TMPRSS12: variants seen among roughly 807,000 people sequenced by gnomAD.
The protein encoded by TMPRSS12 is transmembrane protease serine 12.
In TMPRSS12, 25 loss-of-function variants were observed where a neutral mutation model predicts 26.0. The ratio of observed to expected loss-of-function variants is 0.96; its 90% CI spans 0.70 to 1.34. The LOEUF (loss-of-function observed/expected upper bound fraction) is 1.34. TMPRSS12 is among the 40% of genes most tolerant of loss of function. The pLI, the probability that TMPRSS12 is intolerant of heterozygous loss-of-function variation, is 0.00. For missense variants in TMPRSS12, 441 were observed against 440.1 expected (o/e 1.00, Z -0.02); for synonymous variants, 150 against 161.7 (o/e 0.93, Z 0.55).
At chr12:50,881,957 A>G (rs1302500655) in intron 3 of TMPRSS12, among the ~76,000 whole-genome samples, 1 of 65,604 alleles carries the variant, frequency 1.5e-5, no homozygotes, top group Admixed American at 2.3e-4. Flanking sequence ...GGGCGAGACC[A>G]CTTCAAAAAA....
At chr12:50,854,699 C>T (rs1014443258) in intron 2 of TMPRSS12, among the ~76,000 whole-genome samples, 1 of 152,074 alleles carries the variant, frequency 6.6e-6, no homozygotes, top group Non-Finnish European at 1.5e-5. Flanking sequence ...ATCAAGAATG[C>T]AATCCCATTC....
intron 3 of TMPRSS12, among the ~76,000 whole-genome samples, chr12:50,860,893 G>A (rs892172191): frequency 6.6e-6 from 1 of 152,082 alleles, no homozygotes; most frequent in African/African-American, 2.4e-5. Flanking sequence ...TTACAGGTAT[G>A]AGCCATTGTG....
chr12:50,858,122 G>A (rs538167611), intron 2 of TMPRSS12, among the ~76,000 whole-genome samples: 31 of 152,276 alleles, frequency 2.0e-4, no homozygotes, highest in African/African-American at 6.5e-4. Context: ...GATTACAGGC[G>A]TGAGCCACTG....
At chr12:50,846,611 C>G (rs1423981460) in intron 2 of TMPRSS12, among the ~76,000 whole-genome samples, 1 of 152,052 alleles carries the variant, frequency 6.6e-6, no homozygotes, top group African/African-American at 2.4e-5. Context: ...CAGAGCCTTG[C>G]TTTGTCACCC....
intron 3 of TMPRSS12, among the ~76,000 whole-genome samples, chr12:50,859,951 T>A (rs1301718720): frequency 1.3e-5 from 2 of 152,220 alleles, no homozygotes; most frequent in Non-Finnish European, 2.9e-5. Context: ...GATTGAAAAG[T>A]ATTATAGGTT....
intron 3 of TMPRSS12, among the ~76,000 whole-genome samples, chr12:50,875,616 C>T (rs1938106774): frequency 6.6e-6 from 1 of 151,816 alleles, no homozygotes; most frequent in Non-Finnish European, 1.5e-5. Flanking sequence ...GAAATAAAGC[C>T]ACACACCATC....
intron 3 of TMPRSS12, among the ~76,000 whole-genome samples, chr12:50,872,558 A>ATATATATATATGCCATATATATG (rs1938057629): frequency 1.4e-5 from 1 of 71,748 alleles, no homozygotes; most frequent in African/African-American, 4.9e-5. Flanking sequence ...TGTGAAAAAA[A>ATATATATATATGCCATATATATG]TATATATATA....
intron 3 of TMPRSS12, among the ~76,000 whole-genome samples, chr12:50,862,998 G>A (rs1937952416): frequency 6.6e-6 from 1 of 151,910 alleles, no homozygotes; most frequent in South Asian, 2.1e-4. Flanking sequence ...TTCGAGACCA[G>A]CCTGAGCAAC....
chr12:50,874,868 T>C (rs1938098254), intron 3 of TMPRSS12, among the ~76,000 whole-genome samples: 1 of 151,886 alleles, frequency 6.6e-6, no homozygotes, highest in South Asian at 2.1e-4. Context: ...TCCCTAGGAA[T>C]ACATCTCACC....
intron 3 of TMPRSS12, among the ~76,000 whole-genome samples, chr12:50,861,128 G>T (rs1251217416): frequency 2.0e-5 from 3 of 152,118 alleles, no homozygotes; most frequent in Non-Finnish European, 2.9e-5. Context: ...CCATTTAACA[G>T]ACCAGTAATT....
At chr12:50,847,148 T>G (rs1342420459) in intron 2 of TMPRSS12, among the ~76,000 whole-genome samples, 1 of 142,230 alleles carries the variant, frequency 7.0e-6, no homozygotes, top group Non-Finnish European at 1.5e-5. Flanking sequence ...AAGCTCCGCC[T>G]CCCGGGTTCA....
chr12:50,884,838 C>T (rs1453795645), intron 3 of TMPRSS12, among the ~76,000 whole-genome samples: 1 of 150,962 alleles, frequency 6.6e-6, no homozygotes, highest in Non-Finnish European at 1.5e-5. Context: ...CGCCACTGCA[C>T]TGCAGCCTGG....
intron 3 of TMPRSS12, among the ~76,000 whole-genome samples, chr12:50,880,966 C>CTTTTTTTTTTTTTTTTTTTT (rs869152225): frequency 1.6e-5 from 1 of 61,800 alleles, no homozygotes; most frequent in Non-Finnish European, 2.9e-5. Context: ...TCAGTAATTT[C>CTTTTTTTTTTTTTTTTTTTT]TTTTTTTTTT....
intron 2 of TMPRSS12, among the ~76,000 whole-genome samples, chr12:50,848,865 ATTTCTT>A (rs1177472527): frequency 2.6e-5 from 4 of 152,064 alleles, no homozygotes; most frequent in Admixed American, 2.0e-4. Context: ...ACCAATGGAT[ATTTCTT>A]TTTGTTTGTT....
chr12:50,851,572 T>C (rs751869637), intron 2 of TMPRSS12, among the ~76,000 whole-genome samples: 8 of 152,124 alleles, frequency 5.3e-5, no homozygotes, highest in Non-Finnish European at 7.4e-5. Flanking sequence ...CTACAACTCA[T>C]TGACATCCCT....
chr12:50,884,843 G>C (rs1325063354), intron 3 of TMPRSS12, among the ~76,000 whole-genome samples: 3 of 151,062 alleles, frequency 2.0e-5, no homozygotes, highest in African/African-American at 7.3e-5. Flanking sequence ...CTGCACTGCA[G>C]CCTGGGTGAC....
chr12:50,852,750 G>T (rs1305740235), intron 2 of TMPRSS12, among the ~76,000 whole-genome samples: 3 of 152,156 alleles, frequency 2.0e-5, no homozygotes, highest in African/African-American at 7.2e-5. Flanking sequence ...GGACAAAAAA[G>T]AGCATTACAT....
chr12:50,882,040 T>TATATATATATATA (rs1008545004), intron 3 of TMPRSS12, among the ~76,000 whole-genome samples: 1 of 124,308 alleles, frequency 8.0e-6, no homozygotes, highest in African/African-American at 3.1e-5. Context: ...TATATATATA[T>TATATATATATATA]ATGTTTATTT....
chr12:50,886,535 A>T (rs957143908), intron 4 of TMPRSS12: 1 of 152,242 alleles, frequency 6.6e-6, no homozygotes, highest in Non-Finnish European at 1.5e-5. Flanking sequence ...AGTGAATTGC[A>T]TTCCTAGGCC....
Sources: gnomAD v4.1 joint callset for allele counts (sites outside exome capture counted in the v4.1 genomes callset) on GRCh38, gnomAD v4.1.1 for gene constraint, MANE v1.5 for transcripts, NCBI Gene and HGNC (gene_info 2026-07-23, HGNC 2026-07-21) for gene names.